PCDHGA3: variants seen among roughly 807,000 people sequenced by gnomAD.
PCDHGA3 encodes the protein protocadherin gamma-A3.
Under a neutral mutation model 58.5 loss-of-function variants are expected in PCDHGA3, and 40 were observed. The ratio of observed to expected loss-of-function variants is 0.68; its 90% CI spans 0.53 to 0.89. The LOEUF (loss-of-function observed/expected upper bound fraction) is 0.89, where lower values mean the gene tolerates loss of function less well. Ranked by LOEUF, PCDHGA3 falls within the 40% of genes least tolerant of loss-of-function variation. The pLI, the probability that PCDHGA3 is intolerant of heterozygous loss-of-function variation, is 0.00. For synonymous variants in PCDHGA3, 530 were observed against 525.7 expected (o/e 1.01, Z -0.11); for missense variants, 1,223 against 1,195.9 (o/e 1.02, Z -0.33).
intron 1 of PCDHGA3, chr5:141,382,749 G>A: frequency 1.6e-6 from 1 of 612,214 alleles, no homozygotes; most frequent in Non-Finnish European, 2.8e-6. Flanking sequence ...GACAGATTGC[G>A]ATAAGCCCTC....
At chr5:141,488,062 T>C (rs1488970442) in intron 1 of PCDHGA3, among the ~76,000 whole-genome samples, 1 of 152,152 alleles carries the variant, frequency 6.6e-6, no homozygotes, top group Non-Finnish European at 1.5e-5. Flanking sequence ...AAATAAAATC[T>C]TTGTCTCCCA....
Position 141,486,915 on chromosome 5 carries a change from C to G in PCDHGA3, c.2425-7892C>G. The G allele has an allele frequency of 6.2e-7, 1 of 1,614,244 alleles. No individual in the cohort carries two copies. The highest frequency in any genetic ancestry group is 8.5e-7 in the Non-Finnish European group (1 of 1,180,046). ...GGTTCCTTATGTCCCCAAGCACTGCCTCCATCAGTTGGTGCTGGCCACCTA... is the reference window on the plus strand; with the variant it reads ...GGTTCCTTATGTCCCCAAGCACTGCGTCCATCAGTTGGTGCTGGCCACCTA... On this transcript the variant is annotated intron_variant, in intron 1 of 3. Transcript: ENST00000253812. This position sits in a 1 kb window ranked among gnomAD's most constrained non-coding sequence, Gnocchi z 5.0.
In PCDHGA3 at chr5:141,487,160, G is replaced by A. The variant is rs1188929436; in HGVS notation, c.2425-7647G>A. 5.0e-6 allele frequency: 8 copies of A among 1,613,830 alleles called. No homozygotes were observed. The highest frequency in any genetic ancestry group is 5.1e-6 in the Non-Finnish European group (6 of 1,179,840). ...ACTCTCTACCTCTGTTACTCTCTTA[G>A]TGTCCTTAGAGGAAGACACTCATCC... On this transcript the variant is annotated intron_variant, in intron 1 of 3. Transcript: ENST00000253812. The surrounding 1 kb of genome is among the most constrained non-coding windows in gnomAD (Gnocchi z 5.0).
At chr5:141,352,233 TA>T (rs1758954803) in intron 1 of PCDHGA3, 1 of 1,613,962 alleles carries the variant, frequency 6.2e-7, no homozygotes, top group Non-Finnish European at 8.5e-7. Flanking sequence ...ACGCTGCACC[TA>T]ATCTTCGCGG....
chr5:141,399,751 G>C, intron 1 of PCDHGA3: 1 of 1,613,322 alleles, frequency 6.2e-7, no homozygotes, highest in South Asian at 1.1e-5. Context: ...CAGCGCAAAC[G>C]TGAGCCTGCG....
intron 1 of PCDHGA3, among the ~76,000 whole-genome samples, chr5:141,448,871 G>A (rs1326162054): frequency 6.6e-6 from 1 of 152,148 alleles, no homozygotes; most frequent in Non-Finnish European, 1.5e-5. Flanking sequence ...CGTGAACCTG[G>A]GAGGCGGAGC....
chr5:141,510,894 A>G, intron 3 of PCDHGA3, 53 bp from the exon 4 acceptor site: 2 of 1,612,850 alleles, frequency 1.2e-6, no homozygotes, highest in Non-Finnish European at 8.5e-7. Flanking sequence ...TAAGACAGTG[A>G]CTGTTGAGGA....
At chr5:141,398,764 A>G in intron 1 of PCDHGA3, 2 of 1,613,924 alleles carry the variant, frequency 1.2e-6, no homozygotes, top group East Asian at 4.5e-5. Context: ...TTTAGTCCTG[A>G]CTGCCTTGGA....
At chr5:141,392,750 G>C in intron 1 of PCDHGA3, 1 of 1,451,824 alleles carries the variant, frequency 6.9e-7, no homozygotes, top group Non-Finnish European at 9.1e-7. Flanking sequence ...GCTGCGGCAA[G>C]AAACTAAATA....
intron 1 of PCDHGA3, chr5:141,382,985 G>C (rs769787880): frequency 1.2e-6 from 2 of 1,613,304 alleles, no homozygotes; most frequent in African/African-American, 2.7e-5. Context: ...GCCTGGGCAG[G>C]ACGTATTCTC....
At chr5:141,458,907 A>AT (rs759653270) in intron 1 of PCDHGA3, among the ~76,000 whole-genome samples, 1 of 151,752 alleles carries the variant, frequency 6.6e-6, no homozygotes, top group Non-Finnish European at 1.5e-5. Context: ...AATTTTTTCT[A>AT]TTTTTTGTGG....
chr5:141,404,970 C>A (rs1470955697), intron 1 of PCDHGA3: 1 of 1,613,940 alleles, frequency 6.2e-7, no homozygotes, highest in Non-Finnish European at 8.5e-7. Flanking sequence ...GACATCCTGG[C>A]TGACCTGGGC....
At chr5:141,356,606 C>A in intron 1 of PCDHGA3, 1 of 1,614,182 alleles carries the variant, frequency 6.2e-7, no homozygotes, top group Non-Finnish European at 8.5e-7. Flanking sequence ...CCCAGAGGAG[C>A]CTCCATCTTA....
At chr5:141,422,090 AGGCTTCTGAAATATTCCAATT>A (rs1561798894) in intron 1 of PCDHGA3, 11 of 1,611,852 alleles carry the variant, frequency 6.8e-6, no homozygotes, top group Non-Finnish European at 9.3e-6. Flanking sequence ...ATGGAAAGCA[AGGCTTCTGAAATATTCCAATT>A]GGATTCACAA....
intron 1 of PCDHGA3, chr5:141,371,894 G>C (rs1346040727): frequency 2.5e-6 from 4 of 1,613,426 alleles, no homozygotes; most frequent in Non-Finnish European, 3.4e-6. Flanking sequence ...AGCCGCGGGA[G>C]CTGTCGTCCT....
At chr5:141,468,837 G>T in intron 1 of PCDHGA3, among the ~76,000 whole-genome samples, 1 of 152,108 alleles carries the variant, frequency 6.6e-6, no homozygotes, top group South Asian at 2.1e-4. Flanking sequence ...CTGCACTCCA[G>T]CCTGGGCAAC....
chr5:141,399,713 A>T, intron 1 of PCDHGA3: 1 of 1,613,326 alleles, frequency 6.2e-7, no homozygotes, highest in Non-Finnish European at 8.5e-7. Context: ...CTCACACTAC[A>T]GGCCCGCGAC....
chr5:141,493,330 A>G lies in PCDHGA3; in HGVS notation c.2425-1477A>G, dbSNP rs979607147. 6.6e-6 allele frequency among the ~76,000 whole-genome samples: 1 copy of G among 152,182 alleles called. No homozygotes were observed. Among genetic ancestry groups the G allele is most frequent in the Non-Finnish European group, 1.5e-5 (1 of 68,020 alleles). On this transcript the variant is annotated intron_variant, in intron 1 of 3. Coordinates refer to ENST00000253812, the MANE Select transcript of PCDHGA3 (RefSeq NM_018916.4). The surrounding 1 kb of genome is among the most constrained non-coding windows in gnomAD (Gnocchi z 4.3). ...GTAAGAGAGATTCTAACCCCTGTCT[A>G]ACTCCAGAATGTGTGCTTTTAATTT... is the stretch of plus-strand genomic sequence containing the variant.
intron 1 of PCDHGA3, among the ~76,000 whole-genome samples, chr5:141,458,992 C>G (rs1268862644): frequency 6.6e-6 from 1 of 152,190 alleles, no homozygotes; most frequent in African/African-American, 2.4e-5. Flanking sequence ...CTCACCCTCC[C>G]AAAGTGCTGG....
Sources: gnomAD v4.1 joint callset for allele counts (sites outside exome capture counted in the v4.1 genomes callset) on GRCh38, gnomAD v4.1.1 for gene constraint, Gnocchi (gnomAD v3.1) non-coding constraint, MANE v1.5 for transcripts, NCBI Gene and HGNC (gene_info 2026-07-23, HGNC 2026-07-21) for gene names.